Variants in BLTP1 observed in about 807,000 individuals in gnomAD.
The protein encoded by BLTP1 is fragile site-associated protein.
the BLTP1 span, chr4:122,229,797 T>C: frequency 1.2e-5 from 16 of 1,354,778 alleles, no homozygotes; most frequent in Admixed American, 3.2e-5. Flanking sequence ...CCTTTTTTAT[T>C]TCTTTTTCCT....
chr4:122,302,630 C>G, the BLTP1 span, among the ~76,000 whole-genome samples: 3 of 152,152 alleles, frequency 2.0e-5, no homozygotes, highest in Non-Finnish European at 4.4e-5. Flanking sequence ...GAAGATATGT[C>G]AAAAGCCAAG....
chr4:122,173,107 A>G, the BLTP1 span: 2 of 1,610,404 alleles, frequency 1.2e-6, no homozygotes, highest in Non-Finnish European at 8.5e-7. Context: ...TCTTATTTTA[A>G]CACTAGTTCT....
the BLTP1 span, chr4:122,356,457 T>C: frequency 4.0e-6 from 1 of 251,848 alleles, no homozygotes; most frequent in Non-Finnish European, 6.3e-6. Flanking sequence ...CAATCTGTAC[T>C]AGGGAAGTGC....
At chr4:122,201,782 T>A in the BLTP1 span, 1 of 784,254 alleles carries the variant, frequency 1.3e-6, no homozygotes, top group African/African-American at 1.9e-5. Context: ...CAGTTGGCTG[T>A]TCCACAGAAA....
At chr4:122,271,034 C>T in the BLTP1 span, 2 of 1,600,322 alleles carry the variant, frequency 1.2e-6, no homozygotes, top group African/African-American at 2.7e-5. Context: ...CCATGTGAAT[C>T]TTCCTCCACT....
the BLTP1 span, chr4:122,286,668 A>G: frequency 1.1e-5 from 18 of 1,613,952 alleles, 1 homozygote; most frequent in Admixed American, 2.8e-4. Context: ...TTACCATGTC[A>G]GGGAAATATA....
At chr4:122,250,550 G>A in the BLTP1 span, 1 of 1,613,602 alleles carries the variant, frequency 6.2e-7, no homozygotes, top group Non-Finnish European at 8.5e-7. Flanking sequence ...AGACTTAAAT[G>A]GAAATTCTGT....
At chr4:122,293,309 C>A in the BLTP1 span, 1 of 328,692 alleles carries the variant, frequency 3.0e-6, no homozygotes, top group Non-Finnish European at 4.4e-6. Context: ...GAATTCAGCA[C>A]TTTCAACTGA....
chr4:122,298,668 AAC>A, the BLTP1 span: 2 of 10,738 alleles, frequency 1.9e-4, no homozygotes, highest in Non-Finnish European at 3.1e-4. Context: ...TAGGTATTTA[AAC>A]ATATAATAAT....
the BLTP1 span, chr4:122,234,773 G>A: frequency 6.2e-7 from 1 of 1,606,754 alleles, no homozygotes. Flanking sequence ...GTCGGTTTAG[G>A]TTGTGGTTTT....
chr4:122,208,279 G>C, the BLTP1 span: 14 of 669,622 alleles, frequency 2.1e-5, no homozygotes, highest in Non-Finnish European at 2.6e-5. Context: ...AGGAAAGTGA[G>C]GAACAGAGCT....
chr4:122,192,385 T>G, the BLTP1 span: 2 of 1,559,622 alleles, frequency 1.3e-6, no homozygotes, highest in Non-Finnish European at 1.8e-6. Context: ...CAGAGGTACT[T>G]GAGTATGTTA....
At chr4:122,330,888 C>T in the BLTP1 span, 1 of 529,108 alleles carries the variant, frequency 1.9e-6, no homozygotes, top group Non-Finnish European at 2.4e-6. Context: ...TATGGTATAA[C>T]ATAAGGGTTC....
the BLTP1 span, among the ~76,000 whole-genome samples, chr4:122,157,033 T>C: frequency 6.6e-6 from 1 of 152,116 alleles, no homozygotes; most frequent in South Asian, 2.1e-4. Flanking sequence ...TGATGTGGCA[T>C]TGCTGACTCC....
At chr4:122,217,135 G>A in the BLTP1 span, among the ~76,000 whole-genome samples, 7 of 152,008 alleles carry the variant, frequency 4.6e-5, no homozygotes, top group East Asian at 1.2e-3. Flanking sequence ...ATGCTTTGTC[G>A]ATGATCAGTT....
At chr4:122,308,954 G>T in the BLTP1 span, among the ~76,000 whole-genome samples, 1 of 152,038 alleles carries the variant, frequency 6.6e-6, no homozygotes, top group Non-Finnish European at 1.5e-5. Flanking sequence ...TAGCATAATG[G>T]GCACTGCCTA....
chr4:122,272,842 A>G, the BLTP1 span, among the ~76,000 whole-genome samples: 2 of 152,078 alleles, frequency 1.3e-5, no homozygotes, highest in Non-Finnish European at 2.9e-5. Context: ...TAGTGAAAAC[A>G]TACCATTTAT....
At chr4:122,236,922 A>G in the BLTP1 span, 2 of 985,292 alleles carry the variant, frequency 2.0e-6, no homozygotes, top group Non-Finnish European at 2.4e-6. Flanking sequence ...GTCTTCCAGG[A>G]ATGGAGTACA....
chr4:122,187,854 A>G, the BLTP1 span: 6 of 1,536,782 alleles, frequency 3.9e-6, no homozygotes, highest in Non-Finnish European at 5.2e-6. Flanking sequence ...CCAGAATAGC[A>G]TGATATAATA....
Sources: gnomAD v4.1 joint callset for allele counts (sites outside exome capture counted in the v4.1 genomes callset) on GRCh38, gnomAD v4.1.1 for gene constraint, MANE v1.5 for transcripts, NCBI Gene and HGNC (gene_info 2026-07-23, HGNC 2026-07-21) for gene names.